SIPA1L1: variants seen among roughly 807,000 people sequenced by gnomAD.
SIPA1L1 encodes signal induced proliferation associated 1 like 1, also known as signal-induced proliferation-associated 1-like protein 1.
In SIPA1L1, 26 loss-of-function variants were observed where a neutral mutation model predicts 162.7. The ratio of observed to expected loss-of-function variants is 0.16; its 90% CI spans 0.12 to 0.22. The LOEUF is 0.22. SIPA1L1 is among the 10% of genes least tolerant of loss of function. The pLI is 1.00. For missense variants in SIPA1L1, 1,874 were observed against 2,241.0 expected (o/e 0.84, Z 3.31); for synonymous variants, 829 against 837.4 (o/e 0.99, Z 0.17).
At chr14:71,677,078 A>G (rs1055636331) in intron 12 of SIPA1L1, among the ~76,000 whole-genome samples, 3 of 152,222 alleles carry the variant, frequency 2.0e-5, no homozygotes, top group Non-Finnish European at 2.9e-5. Context: ...GAACTAGTTT[A>G]CACTCCCACC....
chr14:71,473,951 T>C (rs1228728023), intron 2 of SIPA1L1, among the ~76,000 whole-genome samples: 2 of 152,242 alleles, frequency 1.3e-5, no homozygotes, highest in Non-Finnish European at 2.9e-5. Context: ...ATCTGTCAGA[T>C]GACAAGTGTC....
rs564408094 is a variant in SIPA1L1 at position 71,595,423 on chromosome 14, G to A, written c.1498+6053G>A. ...GTGTGTGTGTTTTGTTTCACTGTAT[G>A]TCTAGTTTTACTTCAACTCCCAGAA... is the stretch of plus-strand genomic sequence containing the variant. On this transcript the variant is annotated intron_variant, in intron 5 of 23. Coordinates refer to ENST00000381232, the MANE Select transcript of SIPA1L1 (RefSeq NM_001386936.1). 9.9e-5 allele frequency among the ~76,000 whole-genome samples: 15 copies of A among 152,262 alleles called. No homozygotes were observed. The South Asian group carries it at 2.9e-3, about 29-fold the overall frequency.
chr14:71,382,220 C>G (rs1210854928), intron 2 of SIPA1L1, among the ~76,000 whole-genome samples: 2 of 152,196 alleles, frequency 1.3e-5, no homozygotes, highest in Non-Finnish European at 2.9e-5. Flanking sequence ...TGCTCTTCCC[C>G]TCTGCTTTCA....
intron 2 of SIPA1L1, among the ~76,000 whole-genome samples, chr14:71,407,864 T>C (rs1300938676): frequency 6.6e-6 from 1 of 152,198 alleles, no homozygotes; most frequent in Non-Finnish European, 1.5e-5. Context: ...AGCAGGATTT[T>C]TTGTTTTGTT....
At chr14:71,528,361 A>G (rs74339832) in intron 3 of SIPA1L1, among the ~76,000 whole-genome samples, 1 of 152,218 alleles carries the variant, frequency 6.6e-6, no homozygotes, top group African/African-American at 2.4e-5. Context: ...CTGTTTAATA[A>G]TTCTATTTTT....
intron 2 of SIPA1L1, among the ~76,000 whole-genome samples, chr14:71,477,304 T>C (rs1382690762): frequency 6.6e-6 from 1 of 152,110 alleles, no homozygotes; most frequent in African/African-American, 2.4e-5. Flanking sequence ...TCTCCCCACC[T>C]CTACCTCCTG....
chr14:71,600,776 T>C (rs529907069), intron 5 of SIPA1L1, among the ~76,000 whole-genome samples: 3 of 152,188 alleles, frequency 2.0e-5, no homozygotes, highest in Non-Finnish European at 4.4e-5. Context: ...GTTTTCCTTA[T>C]AGAGATCTTT....
chr14:71,500,428 A>C (rs764656127), intron 2 of SIPA1L1, among the ~76,000 whole-genome samples: 1 of 152,228 alleles, frequency 6.6e-6, no homozygotes, highest in Admixed American at 6.5e-5. Flanking sequence ...AGCGCAAATT[A>C]AAGCCACAGT....
chr14:71,672,065 A>G (rs2044589318), intron 11 of SIPA1L1, among the ~76,000 whole-genome samples: 1 of 152,174 alleles, frequency 6.6e-6, no homozygotes, highest in African/African-American at 2.4e-5. Context: ...CAAAGGCTAA[A>G]TGAGTAGCAG....
chr14:71,623,024 C>T (rs2039608343), intron 6 of SIPA1L1, among the ~76,000 whole-genome samples: 1 of 152,136 alleles, frequency 6.6e-6, no homozygotes, highest in Non-Finnish European at 1.5e-5. Flanking sequence ...GAAATTGTTC[C>T]TCTATTTCAT....
chr14:71,658,433 A>G lies in SIPA1L1; in HGVS notation c.2094A>G (p.Gln698=), dbSNP rs373460612. 23 of 1,553,312 alleles carry G rather than the reference A, an allele frequency of 1.5e-5. No homozygotes were observed. The highest frequency in any genetic ancestry group is 2.7e-5 in the African/African-American group (2 of 73,694). The change falls in exon 9 of 24, where the codon CAA becomes CAG. Residue 698 remains glutamine, a synonymous_variant. Coordinates refer to ENST00000381232, the MANE Select transcript of SIPA1L1 (RefSeq NM_001386936.1). ...TGCCATACACACCCAACAACAAACA[A>G]CAGGTAAGAGATCCTCCTGTTATCT... ...TMLPYTPNNK[Q]QLLRKRHIGN...
intron 4 of SIPA1L1, among the ~76,000 whole-genome samples, chr14:71,567,924 T>C (rs1325426031): frequency 6.6e-6 from 1 of 152,264 alleles, no homozygotes; most frequent in Admixed American, 6.5e-5. Flanking sequence ...GATGTTGCCA[T>C]GGCATTTGTA....
chr14:71,667,573 T>C (rs1342750156), intron 10 of SIPA1L1, among the ~76,000 whole-genome samples: 1 of 152,222 alleles, frequency 6.6e-6, no homozygotes, highest in Non-Finnish European at 1.5e-5. Flanking sequence ...CCAGATCTGC[T>C]TTCTTGGAAG....
At chr14:71,382,627 T>C (rs887259992) in intron 2 of SIPA1L1, among the ~76,000 whole-genome samples, 3 of 152,196 alleles carry the variant, frequency 2.0e-5, no homozygotes, top group Non-Finnish European at 4.4e-5. Flanking sequence ...CTGTGTAGAA[T>C]TGCTCTCAGA....
At chr14:71,364,611 T>G (rs1182786417) in intron 2 of SIPA1L1, among the ~76,000 whole-genome samples, 2 of 152,208 alleles carry the variant, frequency 1.3e-5, no homozygotes, top group African/African-American at 2.4e-5. Flanking sequence ...TTGGGTTGTT[T>G]CTAATTTTTG....
At chr14:71,404,891 G>C (rs765424733) in intron 2 of SIPA1L1, among the ~76,000 whole-genome samples, 9 of 152,160 alleles carry the variant, frequency 5.9e-5, no homozygotes, top group Non-Finnish European at 1.3e-4. Flanking sequence ...GCAGTGTCAT[G>C]CTGCTTTCCC....
chr14:71,705,435 A>G (rs2082368738), intron 16 of SIPA1L1, 95 bp downstream of exon 16: 1 of 918,168 alleles, frequency 1.1e-6, no homozygotes, highest in Non-Finnish European at 1.8e-6. Flanking sequence ...TGCATGGCCA[A>G]AGAGGAAATC....
chr14:71,717,809 G>T (rs1433662155), intron 17 of SIPA1L1, among the ~76,000 whole-genome samples: 5 of 152,182 alleles, frequency 3.3e-5, no homozygotes, highest in Admixed American at 3.3e-4. Flanking sequence ...TTTAGAGTGG[G>T]AGGAGTTGAG....
intron 12 of SIPA1L1, among the ~76,000 whole-genome samples, chr14:71,677,959 T>C (rs1331824408): frequency 1.3e-5 from 2 of 152,228 alleles, no homozygotes; most frequent in African/African-American, 2.4e-5. Flanking sequence ...CAATGTGGGC[T>C]CTTTTTTTGG....
Sources: gnomAD v4.1 joint callset for allele counts (sites outside exome capture counted in the v4.1 genomes callset) on GRCh38, gnomAD v4.1.1 for gene constraint, MANE v1.5 for transcripts, NCBI Gene and HGNC (gene_info 2026-07-23, HGNC 2026-07-21) for gene names.